The following H3C4 variants were observed in gnomAD, a reference collection of about 807,000 sequenced individuals.
The protein encoded by H3C4 is H3 clustered histone 4.
H3C4 carries 10 observed loss-of-function variants against 8.7 expected under a neutral mutation model. The ratio of observed to expected loss-of-function variants is 1.15; its 90% CI spans 0.71 to 1.96. The LOEUF (loss-of-function observed/expected upper bound fraction) is 1.96, where lower values mean the gene tolerates loss of function less well. Ranked by LOEUF, H3C4 falls within the 30% of genes most tolerant of loss-of-function variation. The pLI is 0.00. For synonymous variants in H3C4, 141 were observed against 80.1 expected (o/e 1.76, Z -4.06); for missense variants, 216 against 192.9 (o/e 1.12, Z -0.71).
At position 26,197,149 on chromosome 6, in the gene H3C4, G is replaced by A. The variant is rs1764989366; in HGVS notation, c.102C>T (p.Gly34=). Reference sequence around the variant, plus strand: ...GGTAACGGTGGGGCTTCTTCACGCCGCCGGTGGCTGGAGCGCTCTTTCGAG... The same window carrying A: ...GGTAACGGTGGGGCTTCTTCACGCCACCGGTGGCTGGAGCGCTCTTTCGAG... ...KAARKSAPAT[G]GVKKPHRYRP... is the part of the protein sequence containing the mutation. Residue 34 remains glycine (G), a synonymous_variant, in exon 1 of 1, where the codon GGC becomes GGT. Transcript: ENST00000356476. 2.5e-6 allele frequency: 4 copies of A among 1,614,116 alleles called. No individual in the cohort carries two copies. The highest frequency in any genetic ancestry group is 3.4e-6 in the Non-Finnish European group (4 of 1,180,026).
upstream of H3C4, chr6:26,198,737 C>T: frequency 9.5e-7 from 1 of 1,058,106 alleles, no homozygotes; most frequent in Non-Finnish European, 1.4e-6. Context: ...AAGAAAACTG[C>T]AAAATAGCTA....
At chr6:26,198,820 T>G, upstream of H3C4, 1 of 1,601,262 alleles carries the variant, frequency 6.2e-7, no homozygotes, top group Non-Finnish European at 8.5e-7. Context: ...TAAGACTGCT[T>G]CCTTAAAAAG....
rs1561980243 is a variant in H3C4, at chr6:26,196,804, C to CTT, written c.*34_*35dup. 3 of 1,611,214 alleles carry CTT rather than the reference C, an allele frequency of 1.9e-6. No individual in the cohort carries two copies. The highest frequency in any genetic ancestry group is 2.5e-6 in the Non-Finnish European group (3 of 1,178,864). ...AAAGGTGGTTGGCTCTGAAAAGAGC[C>CTT]TTTGGGTTTTGGTTAGCACACATTC... On this transcript the variant is annotated 3_prime_UTR_variant, in exon 1 of 1. Transcript: ENST00000356476.
upstream of H3C4, chr6:26,198,788 T>G (rs1238292685): frequency 1.3e-6 from 2 of 1,496,374 alleles, no homozygotes; most frequent in Non-Finnish European, 1.8e-6. Context: ...AATACATGGG[T>G]GGCTCTGAAA....
upstream of H3C4, chr6:26,199,140 A>G: frequency 6.2e-7 from 1 of 1,614,116 alleles, no homozygotes; most frequent in Admixed American, 1.7e-5. Context: ...GCCCTTGCGG[A>G]GCAAGCGGTG....
upstream of H3C4, among the ~76,000 whole-genome samples, chr6:26,198,126 C>A (rs147556458): frequency 6.6e-6 from 1 of 152,138 alleles, no homozygotes; most frequent in Non-Finnish European, 1.5e-5. Flanking sequence ...AAGATGCATA[C>A]AAAAGACAAT....
At position 26,197,269 on chromosome 6, in the gene H3C4, G is replaced by C; in HGVS notation, c.-19C>G. On this transcript the variant is annotated 5_prime_UTR_variant, in exon 1 of 1. Coordinates refer to ENST00000356476, the MANE Select transcript of H3C4 (RefSeq NM_001376937.1). ...GAGCCATTGCGAACTTCTAAACCCTGCTAAATGACGAAAAAACGAAAGTCT... is the reference window on the plus strand; with the variant it reads ...GAGCCATTGCGAACTTCTAAACCCTCCTAAATGACGAAAAAACGAAAGTCT... 6.3e-7 allele frequency: 1 copy of C among 1,592,190 alleles called. No individual in the cohort carries two copies. Among genetic ancestry groups the C allele is most frequent in the South Asian group, 1.1e-5 (1 of 88,072 alleles).
chr6:26,197,390 G>C (rs1386661011), upstream of H3C4: 7 of 764,218 alleles, frequency 9.2e-6, no homozygotes, highest in Non-Finnish European at 1.5e-5. Context: ...CCCACTCCCT[G>C]ACAGAACATC....
upstream of H3C4, among the ~76,000 whole-genome samples, chr6:26,197,720 A>G (rs531240834): frequency 1.3e-5 from 2 of 152,132 alleles, no homozygotes; most frequent in Non-Finnish European, 2.9e-5. Context: ...GATATTTTCA[A>G]TAATTTGTTC....
upstream of H3C4, chr6:26,197,326 C>T (rs1344151628): frequency 6.0e-6 from 9 of 1,499,004 alleles, no homozygotes; most frequent in Non-Finnish European, 7.2e-6. Context: ...TAAAGACACC[C>T]CTGTTCTGAT....
chr6:26,198,917 C>T (rs1346854283), upstream of H3C4: 1 of 1,614,116 alleles, frequency 6.2e-7, no homozygotes, highest in African/African-American at 1.3e-5. Flanking sequence ...GGATGTTGGG[C>T]AGAACACCGC....
upstream of H3C4, chr6:26,198,912 T>A (rs770198458): frequency 8.7e-6 from 14 of 1,614,254 alleles, no homozygotes; most frequent in Non-Finnish European, 1.2e-5. Context: ...AGCCTGGATG[T>A]TGGGCAGAAC....
Sources: allele counts gnomAD v4.1 joint callset (sites outside exome capture counted in the v4.1 genomes callset), GRCh38; gene constraint gnomAD v4.1.1; transcripts MANE v1.5; gene names NCBI Gene and HGNC (gene_info 2026-07-23, HGNC 2026-07-21).